DAAM1: variants seen among roughly 807,000 people sequenced by gnomAD.
DAAM1 encodes dishevelled associated activator of morphogenesis 1.
A neutral mutation model predicts 130.0 loss-of-function variants in DAAM1; 52 were observed. The ratio of observed to expected loss-of-function variants is 0.40; its 90% CI spans 0.32 to 0.50. DAAM1 has a LOEUF of 0.50. DAAM1 is among the 20% of genes least tolerant of loss of function. The probability of loss-of-function intolerance (pLI) is 0.61; values close to 1 mark genes in which losing one functional copy is unlikely to be tolerated. For synonymous variants in DAAM1, 452 were observed against 444.5 expected (o/e 1.02, Z -0.21); for missense variants, 1,134 against 1,303.8 (o/e 0.87, Z 2.01).
At position 59,352,510 on chromosome 14, in the gene DAAM1, C is replaced by T. The variant is rs117761948; in HGVS notation, c.2161-16C>T. 203 of 1,591,616 alleles carry T rather than the reference C, an allele frequency of 1.3e-4. No homozygotes were observed. In the East Asian group the frequency reaches 4.3e-3, roughly 34 times the overall value. ...AGTGATAAACCTCAGTTTTAATATT[C>T]GTGTGTACTTTTCAGCTCTTGAAAT... On this transcript the variant is annotated splice_polypyrimidine_tract_variant and intron_variant, in intron 17 of 24. Transcript: ENST00000360909.
chr14:59,224,249 C>T (rs956843480), intron 1 of DAAM1, among the ~76,000 whole-genome samples: 4 of 152,166 alleles, frequency 2.6e-5, no homozygotes, highest in African/African-American at 9.7e-5. Flanking sequence ...CAATTGGAAT[C>T]ACTGGTTTGT....
rs1887031657 is a variant in DAAM1 at position 59,368,913 on chromosome 14, T to G, written c.*54T>G. ...CTCATTAGCAGCCCTCTAAAGTGAC[T>G]AGAACGTTTCATTACACTGCCTTGC... On this transcript the variant is annotated 3_prime_UTR_variant, in exon 25 of 25. Transcript: ENST00000360909. 1.4e-5 allele frequency: 22 copies of G among 1,537,200 alleles called. No homozygotes were observed. The highest frequency in any genetic ancestry group is 1.9e-5 in the Non-Finnish European group (21 of 1,130,286).
chr14:59,357,500 T>C (rs929817739), intron 20 of DAAM1, among the ~76,000 whole-genome samples: 1 of 152,128 alleles, frequency 6.6e-6, no homozygotes, highest in Non-Finnish European at 1.5e-5. Flanking sequence ...AAATGGAGGC[T>C]GGGTGCAGTG....
At position 59,371,336 on chromosome 14, in the gene DAAM1, G is replaced by A. The variant is rs2139704158; in HGVS notation, c.*2477G>A. Reference sequence around the variant, plus strand: ...TAGTACTGAGAAAAAAAAAGTATGTGTTATGAGACTGTACATGTTTTTTTA... The same window carrying A: ...TAGTACTGAGAAAAAAAAAGTATGTATTATGAGACTGTACATGTTTTTTTA... On this transcript the variant is annotated 3_prime_UTR_variant, in exon 25 of 25. Coordinates refer to ENST00000360909, the MANE Select transcript of DAAM1 (RefSeq NM_001270520.2). 1 of 152,148 alleles carries A rather than the reference G, an allele frequency of 6.6e-6. No individual in the cohort carries two copies. The highest frequency in any genetic ancestry group is 2.1e-4 in the South Asian group (1 of 4,828). The allele number at this position is 152,148 out of a possible 1,614,324, so 9.4% of individuals were successfully genotyped here.
At chr14:59,236,004 C>T (rs533660259) in intron 1 of DAAM1, among the ~76,000 whole-genome samples, 3 of 152,144 alleles carry the variant, frequency 2.0e-5, no homozygotes, top group African/African-American at 7.2e-5. Flanking sequence ...TGGGAAATTC[C>T]CTTTCTTAAA....
intron 2 of DAAM1, among the ~76,000 whole-genome samples, chr14:59,272,643 ATATGTATG>A (rs61227619): frequency 1.8e-3 from 269 of 145,992 alleles, no homozygotes; most frequent in Admixed American, 4.2e-3. Flanking sequence ...ACACACATAT[ATATGTATG>A]TATGTATGTA....
intron 1 of DAAM1, among the ~76,000 whole-genome samples, chr14:59,221,722 CTG>C (rs1198243020): frequency 6.6e-6 from 1 of 152,236 alleles, no homozygotes; most frequent in East Asian, 1.9e-4. Context: ...CCAGCCAACA[CTG>C]TAACTCCTTT....
chr14:59,194,766 A>G (rs528259156), intron 1 of DAAM1, among the ~76,000 whole-genome samples: 1 of 152,356 alleles, frequency 6.6e-6, no homozygotes, highest in Admixed American at 6.5e-5. Context: ...ATTTATTTTT[A>G]CAGTGGAGCA....
intron 3 of DAAM1, among the ~76,000 whole-genome samples, chr14:59,295,553 C>T (rs1883924417): frequency 6.6e-6 from 1 of 152,180 alleles, no homozygotes; most frequent in South Asian, 2.1e-4. Flanking sequence ...TGTGTGTGGC[C>T]ATTGGGATGC....
intron 10 of DAAM1, 124 bp downstream of exon 10, chr14:59,326,201 T>C (rs1018601420): frequency 1.1e-6 from 1 of 924,806 alleles, no homozygotes; most frequent in African/African-American, 1.7e-5. Flanking sequence ...CTTGGTTTTA[T>C]GACAGCCAAG....
intron 1 of DAAM1, among the ~76,000 whole-genome samples, chr14:59,259,074 CCCT>C (rs1882044432): frequency 2.0e-5 from 3 of 152,134 alleles, no homozygotes. Flanking sequence ...GACTTCTCGC[CCCT>C]CCTCAGTGCA....
chr14:59,299,167 G>T (rs978600303), intron 3 of DAAM1, among the ~76,000 whole-genome samples: 22 of 152,088 alleles, frequency 1.4e-4, no homozygotes, highest in African/African-American at 4.8e-4. Flanking sequence ...AATTACGTTT[G>T]TTCCTCATAA....
At chr14:59,274,957 A>T (rs1882893996) in intron 2 of DAAM1, among the ~76,000 whole-genome samples, 1 of 152,248 alleles carries the variant, frequency 6.6e-6, no homozygotes, top group African/African-American at 2.4e-5. Flanking sequence ...GTGGTGAAAT[A>T]AATAGCTCCA....
At chr14:59,365,038 G>T (rs1380042564) in intron 23 of DAAM1, among the ~76,000 whole-genome samples, 1 of 149,854 alleles carries the variant, frequency 6.7e-6, no homozygotes, top group Non-Finnish European at 1.5e-5. Flanking sequence ...CTTCATCAAG[G>T]GGCTCAAACA....
intron 1 of DAAM1, among the ~76,000 whole-genome samples, chr14:59,262,437 G>T (rs984570225): frequency 4.6e-5 from 7 of 152,014 alleles, no homozygotes; most frequent in Non-Finnish European, 1.0e-4. Context: ...ATGTTTTTGT[G>T]GTGAAAATTT....
At chr14:59,327,402 C>CTTTGTTTTTTTTTTTTTTTTTTTTTT (rs1885249122) in intron 12 of DAAM1, among the ~76,000 whole-genome samples, 1 of 58,992 alleles carries the variant, frequency 1.7e-5, no homozygotes, top group Admixed American at 2.5e-4. Context: ...CACTTGGTTT[C>CTTTGTTTTTTTTTTTTTTTTTTTTTT]TTTTTTTTTT....
At chr14:59,334,292 A>G (rs1008809613) in intron 15 of DAAM1, among the ~76,000 whole-genome samples, 4 of 152,236 alleles carry the variant, frequency 2.6e-5, no homozygotes, top group African/African-American at 9.6e-5. Context: ...CTGTCATTAA[A>G]TGTCCCCTTA....
rs146694430 is a variant in DAAM1 at position 59,328,678 on chromosome 14, G to C, written c.1372+1687G>C. Among the ~76,000 whole-genome samples, 308 of 152,286 alleles carry C rather than the reference G, an allele frequency of 2.0e-3. 1 individual carries two copies. Among genetic ancestry groups the C allele is most frequent in the African/African-American group, 7.2e-3 (300 of 41,564 alleles). On this transcript the variant is annotated intron_variant, in intron 12 of 24. Coordinates refer to ENST00000360909, the MANE Select transcript of DAAM1 (RefSeq NM_001270520.2). ...CACAGCGTGGTTGTGAAGATTAAAT[G>C]ACAAAACAAATATAAGATCATTAGC...
chr14:59,267,580 G>C, intron 2 of DAAM1, among the ~76,000 whole-genome samples: 1 of 151,994 alleles, frequency 6.6e-6, no homozygotes, highest in East Asian at 1.9e-4. Flanking sequence ...GTGGCTTTTA[G>C]TATATTAATA....
Sources: gnomAD v4.1 joint callset for allele counts (sites outside exome capture counted in the v4.1 genomes callset) on GRCh38, gnomAD v4.1.1 for gene constraint, MANE v1.5 for transcripts, NCBI Gene and HGNC (gene_info 2026-07-23, HGNC 2026-07-21) for gene names.